QSER1: variants seen among roughly 807,000 people sequenced by gnomAD.
QSER1 encodes glutamine and serine rich 1.
In QSER1, 49 loss-of-function variants were observed where a neutral mutation model predicts 158.5. The observed-to-expected ratio is 0.31, with a 90% CI of 0.25 to 0.39. QSER1 has a LOEUF of 0.39. QSER1 is among the 10% of genes least tolerant of loss of function. The pLI, the probability that QSER1 is intolerant of heterozygous loss-of-function variation, is 1.00. For synonymous variants in QSER1, 650 were observed against 715.5 expected (o/e 0.91, Z 1.46); for missense variants, 1,754 against 2,010.3 (o/e 0.87, Z 2.44).
intron 4 of QSER1, among the ~76,000 whole-genome samples, chr11:32,938,935 T>C (rs1852191889): frequency 1.3e-5 from 2 of 152,170 alleles, no homozygotes; most frequent in East Asian, 1.9e-4. Flanking sequence ...AATTCTATAT[T>C]TGCATTAAAA....
At chr11:32,894,355 C>A (rs1050209183) in intron 1 of QSER1, among the ~76,000 whole-genome samples, 2 of 152,114 alleles carry the variant, frequency 1.3e-5, no homozygotes, top group Non-Finnish European at 2.9e-5. Flanking sequence ...AGCCACCTCT[C>A]CCGAACAATA....
chr11:32,976,843 C>T lies in QSER1; in HGVS notation c.*369C>T, dbSNP rs541857852. 1.0e-5 allele frequency: 2 copies of T among 199,230 alleles called. No homozygotes were observed. Among genetic ancestry groups the T allele is most frequent in the South Asian group, 8.6e-5 (1 of 11,692 alleles). The allele number at this position is 199,230 out of a possible 1,614,324, so 12.3% of individuals were successfully genotyped here. ...AGTAACGATTTTTTTTTTCTGACTC[C>T]GGCTAAACACCAGAATGACAGAGAA... On this transcript the variant is annotated 3_prime_UTR_variant, in exon 13 of 13. Coordinates refer to ENST00000650167, the MANE Select transcript of QSER1 (RefSeq NM_001076786.3).
At position 32,934,659 on chromosome 11, in the gene QSER1, A is replaced by G. The variant is rs1190416421; in HGVS notation, c.3401A>G (p.Gln1134Arg). 4 of 1,613,720 alleles carry G rather than the reference A, an allele frequency of 2.5e-6. No individual in the cohort carries two copies. The South Asian group carries it at 3.3e-5, about 13-fold the overall frequency. The change falls in exon 4 of 13, where the codon CAA (glutamine) becomes CGA (arginine). Residue 1134 changes from glutamine to arginine, a missense_variant. Physicochemically the swap from Gln to Arg is conservative, Grantham distance 43. Transcript: ENST00000650167. ...VDSTLNNNRN[Q>R]EFVSSSRSIS... ...AGTACATTAAATAATAACAGAAACC[A>G]AGAGTTTGTTTCTAGTAGTAGAAGT...
chr11:32,935,477 T>C (rs1160555733), intron 4 of QSER1, 42 bp downstream of exon 4: 1 of 1,402,322 alleles, frequency 7.1e-7, no homozygotes, highest in Non-Finnish European at 9.5e-7. Flanking sequence ...TACTTTCTTC[T>C]ATTTTTCCAG....
rs1852081867 is a variant in QSER1 at position 32,933,226 on chromosome 11, T to C, written c.1968T>C (p.Ser656=). ...TCCAGTCATCATCTTTTGCATCCTCTACTCATTGTCAGACATTACAAAATA... is the reference window on the plus strand; with the variant it reads ...TCCAGTCATCATCTTTTGCATCCTCCACTCATTGTCAGACATTACAAAATA... The part of the protein sequence containing the change: ...PAVQSSSFAS[S]THCQTLQNNI... The change falls in exon 4 of 13, where the codon TCT becomes TCC. Residue 656 remains serine (S), a synonymous_variant. Coordinates refer to ENST00000650167, the MANE Select transcript of QSER1 (RefSeq NM_001076786.3). 1 of 1,613,888 alleles carries C rather than the reference T, an allele frequency of 6.2e-7. No homozygotes were observed. Among genetic ancestry groups the C allele is most frequent in the Non-Finnish European group, 8.5e-7 (1 of 1,179,988 alleles).
intron 1 of QSER1, among the ~76,000 whole-genome samples, chr11:32,911,501 G>A (rs1422351502): frequency 6.6e-6 from 1 of 152,112 alleles, no homozygotes; most frequent in African/African-American, 2.4e-5. Context: ...ATATGGTTTG[G>A]CTCTGTGTCC....
At chr11:32,953,248 GT>G (rs1046396850) in intron 4 of QSER1, among the ~76,000 whole-genome samples, 158 of 143,178 alleles carry the variant, frequency 1.1e-3, no homozygotes, top group African/African-American at 3.3e-3. Context: ...AATGTTTTGG[GT>G]TTTTTTTTTT....
In QSER1 at chr11:32,934,173, A is replaced by G. The variant is rs1324234949; in HGVS notation, c.2915A>G (p.Asp972Gly). 6.2e-7 allele frequency: 1 copy of G among 1,613,904 alleles called. No individual in the cohort carries two copies. The highest frequency in any genetic ancestry group is 8.5e-7 in the Non-Finnish European group (1 of 1,179,996). ...TTCCCAGAGGCAGTGCTTCTTAGTGATGAAAGAAATATTTTATCAAATGTA... is the reference window on the plus strand; with the variant it reads ...TTCCCAGAGGCAGTGCTTCTTAGTGGTGAAAGAAATATTTTATCAAATGTA... ...MCFPEAVLLS[D>G]ERNILSNVDD... Residue 972 changes from aspartate (D) to glycine (G), a missense_variant, in exon 4 of 13, where the codon GAT (aspartate) becomes GGT (glycine). This residue lies in a region of QSER1 where 1,707 missense variants were observed against 1,919.6 expected (regional missense o/e 0.89). Coordinates refer to ENST00000650167, the MANE Select transcript of QSER1 (RefSeq NM_001076786.3).
At chr11:32,924,197 C>T (rs773326867) in intron 1 of QSER1, among the ~76,000 whole-genome samples, 50 of 151,704 alleles carry the variant, frequency 3.3e-4, no homozygotes, top group Non-Finnish European at 1.3e-4. Context: ...TTTCTTAGGA[C>T]ACCAAAAGCA....
Position 32,943,739 on chromosome 11 carries a change from C to T in QSER1, c.4177+8304C>T, listed in dbSNP as rs1355900472. The stretch of plus-strand genomic sequence containing the variant: ...GCCTGGCTTTGGTATCAGAATGATG[C>T]TGGCCTCATAAAATGAGTTAGGGAG... On this transcript the variant is annotated intron_variant, in intron 4 of 12. Transcript: ENST00000650167. Among the ~76,000 whole-genome samples the T allele has an allele frequency of 3.9e-5, 6 of 152,032 alleles. No individual in the cohort carries two copies. The South Asian group carries it at 1.2e-3, about 32-fold the overall frequency.
At chr11:32,950,847 A>G (rs1852409333) in intron 4 of QSER1, among the ~76,000 whole-genome samples, 1 of 152,238 alleles carries the variant, frequency 6.6e-6, no homozygotes, top group Non-Finnish European at 1.5e-5. Context: ...AGCATGTATC[A>G]GTATCTGATT....
intron 4 of QSER1, among the ~76,000 whole-genome samples, chr11:32,952,521 G>A (rs1420591102): frequency 6.6e-6 from 1 of 152,066 alleles, no homozygotes; most frequent in Non-Finnish European, 1.5e-5. Flanking sequence ...ATTTCATTGT[G>A]GGTTTTTGTA....
rs755976512 is a variant in QSER1 at position 32,935,177 on chromosome 11, C to T, written c.3919C>T (p.Arg1307Trp). The change falls in exon 4 of 13, where the codon CGG becomes TGG. Residue 1307 changes from arginine (R) to tryptophan (W), a missense_variant. By Grantham distance (101) the Arg-to-Trp change is moderately radical. Coordinates refer to ENST00000650167, the MANE Select transcript of QSER1 (RefSeq NM_001076786.3). ...LAVRMPNRTR[R>W]PGTQMVRTFC... ...TGTACGAATGCCTAACAGGACTAGA[C>T]GGCCAGGGACCCAGATGGTTCGTAC... 3.1e-5 allele frequency: 50 copies of T among 1,613,932 alleles called. No homozygotes were observed. Among genetic ancestry groups the T allele is most frequent in the Middle Eastern group, 1.6e-4 (1 of 6,080 alleles).
Position 32,933,902 on chromosome 11 carries a change from C to G in QSER1, c.2644C>G (p.Gln882Glu), listed in dbSNP as rs762256324. Residue 882 changes from glutamine (Q) to glutamate (E), a missense_variant, in exon 4 of 13, where the codon CAA becomes GAA. Gln to Glu is a conservative substitution (Grantham distance 29). Transcript: ENST00000650167. ...TTTAGGTCAAGTAAAGGCATCTTTA[C>G]AAGCACAGCGTGTTCAAAGCCCTCA... ...AGLGQVKASL[Q>E]AQRVQSPQQI... The G allele has an allele frequency of 1.2e-6, 2 of 1,613,734 alleles. No homozygotes were observed. The highest frequency in any genetic ancestry group is 1.7e-5 in the Admixed American group (1 of 59,970).
chr11:32,957,852 T>C lies in QSER1; in HGVS notation c.4752-17T>C, dbSNP rs1245735572. 1 of 1,586,304 alleles carries C rather than the reference T, an allele frequency of 6.3e-7. No individual in the cohort carries two copies. Among genetic ancestry groups the C allele is most frequent in the Non-Finnish European group, 8.6e-7 (1 of 1,163,282 alleles). ...AAGATTTCAGTGTGTTAATGAAGTT[T>C]GTTTATAACATTGCAGAACTGTTCA... On this transcript the variant is annotated splice_polypyrimidine_tract_variant and intron_variant, in intron 7 of 12. Transcript: ENST00000650167.
intron 1 of QSER1, among the ~76,000 whole-genome samples, chr11:32,923,476 C>A (rs913965436): frequency 5.4e-5 from 8 of 148,642 alleles, no homozygotes; most frequent in African/African-American, 7.5e-5. Context: ...GAGTTTAAGA[C>A]CAGCCTGACC....
At position 32,934,546 on chromosome 11, in the gene QSER1, T is replaced by A. The variant is rs1311343410; in HGVS notation, c.3288T>A (p.His1096Gln). Residue 1096 changes from histidine to glutamine, a missense_variant, in exon 4 of 13, where the codon CAT (histidine) becomes CAA (glutamine). Physicochemically the swap from His to Gln is conservative, Grantham distance 24 (BLOSUM62 0). This residue lies in a region of QSER1 where 1,707 missense variants were observed against 1,919.6 expected (regional missense o/e 0.89). Coordinates refer to ENST00000650167, the MANE Select transcript of QSER1 (RefSeq NM_001076786.3). Reference protein sequence around the residue: ...KVTSAVVGPSHEVQEQSSGPF... With the variant: ...KVTSAVVGPSQEVQEQSSGPF... ...CTTCAGCAGTGGTTGGACCAAGTCATGAAGTCCAGGAGCAAAGTTCTGGCC... is the reference window on the plus strand; with the variant it reads ...CTTCAGCAGTGGTTGGACCAAGTCAAGAAGTCCAGGAGCAAAGTTCTGGCC... 1 of 1,613,534 alleles carries A rather than the reference T, an allele frequency of 6.2e-7. No homozygotes were observed. The highest frequency in any genetic ancestry group is 1.3e-5 in the African/African-American group (1 of 75,042).
intron 1 of QSER1, among the ~76,000 whole-genome samples, chr11:32,924,710 A>T (rs1851945498): frequency 6.6e-6 from 1 of 152,118 alleles, no homozygotes; most frequent in South Asian, 2.1e-4. Flanking sequence ...CTTAAAACCC[A>T]ATAAGAAGGG....
chr11:32,931,626 C>A, intron 3 of QSER1, 117 bp from the exon 4 acceptor site: 2 of 721,284 alleles, frequency 2.8e-6, no homozygotes, highest in African/African-American at 1.8e-5. Flanking sequence ...ACTAACTGGT[C>A]AGGTTTTTCA....
Sources: gnomAD v4.1 joint callset for allele counts (sites outside exome capture counted in the v4.1 genomes callset) on GRCh38, gnomAD v4.1.1 for gene constraint, gnomAD v4.1.1 regional missense constraint, MANE v1.5 for transcripts, NCBI Gene and HGNC (gene_info 2026-07-23, HGNC 2026-07-21) for gene names.